Variants in ABI3BP observed in about 807,000 individuals in gnomAD.
ABI3BP encodes the protein target of Nesh-SH3.
ABI3BP carries 216 observed loss-of-function variants against 268.6 expected under a neutral mutation model. That is an observed-to-expected ratio of 0.80 (90% CI 0.72 to 0.90). The LOEUF is 0.90. Ranked by LOEUF, ABI3BP falls within the 40% of genes least tolerant of loss-of-function variation. ABI3BP has a pLI of 0.00. For synonymous variants in ABI3BP, 730 were observed against 730.0 expected (o/e 1.00, Z 0.00); for missense variants, 2,090 against 2,182.4 (o/e 0.96, Z 0.84).
rs565106892 is a variant in ABI3BP, at chr3:100,754,701, G to T, written c.4851-10C>A. On this transcript the variant is annotated splice_polypyrimidine_tract_variant and intron_variant, in intron 63 of 67. Transcript: ENST00000471714. ...CACCTGGAATTCATAACTGTTTAGGGGAAAATAAAAAAATACTTGTAATAC... is the reference window on the plus strand; with the variant it reads ...CACCTGGAATTCATAACTGTTTAGGTGAAAATAAAAAAATACTTGTAATAC... The T allele has an allele frequency of 3.8e-6, 6 of 1,568,060 alleles. No individual in the cohort carries two copies. The South Asian group carries it at 7.0e-5, about 18-fold the overall frequency.
intron 2 of ABI3BP, among the ~76,000 whole-genome samples, chr3:100,908,521 C>T (rs2054635451): frequency 6.7e-6 from 1 of 148,436 alleles, no homozygotes; most frequent in South Asian, 2.1e-4. Context: ...TAATCTCAGC[C>T]CAAAATCTCC....
At chr3:100,959,264 G>A (rs1047039035) in intron 1 of ABI3BP, among the ~76,000 whole-genome samples, 2 of 151,900 alleles carry the variant, frequency 1.3e-5, no homozygotes, top group Admixed American at 1.3e-4. Flanking sequence ...GCCGAGGCGG[G>A]CGGATCACGA....
At position 100,847,615 on chromosome 3, in the gene ABI3BP, T is replaced by C. The variant is rs1481337963; in HGVS notation, c.1635A>G (p.Thr545=). ...TATCATTATTACCCGGTGTTGTCCA[T>C]GTAGGTTCAGGGCTTTTAGAAATTT... ...TPKISKSPEP[T]WTTPAPGKTQ... The change falls in exon 19 of 68, where the codon ACA becomes ACG. Residue 545 remains threonine (T), a synonymous_variant. Transcript: ENST00000471714. The C allele has an allele frequency of 3.7e-6, 6 of 1,613,172 alleles. No individual in the cohort carries two copies. Among genetic ancestry groups the C allele is most frequent in the Admixed American group, 1.7e-5 (1 of 60,012 alleles).
At chr3:100,789,369 C>A in intron 56 of ABI3BP, 85 bp downstream of exon 56, 2 of 1,292,472 alleles carry the variant, frequency 1.5e-6, no homozygotes, top group Non-Finnish European at 2.2e-6. Context: ...TGTAAGGGTT[C>A]CCCTTTGGTG....
chr3:100,810,981 A>G (rs775889869), intron 48 of ABI3BP, among the ~76,000 whole-genome samples: 30 of 152,304 alleles, frequency 2.0e-4, no homozygotes, highest in South Asian at 6.2e-4. Context: ...TAGGAAGAAA[A>G]TATTTTAGAT....
intron 33 of ABI3BP, among the ~76,000 whole-genome samples, chr3:100,828,846 A>G (rs2098435914): frequency 6.6e-6 from 1 of 152,198 alleles, no homozygotes; most frequent in Admixed American, 6.6e-5. Flanking sequence ...CCAGCCCCTC[A>G]GTCTGTGGTA....
rs1188334199 is a variant in ABI3BP, at chr3:100,810,443, T to G, written c.3576A>C (p.Leu1192=). 6.5e-7 allele frequency: 1 copy of G among 1,534,854 alleles called. No individual in the cohort carries two copies. Among genetic ancestry groups the G allele is most frequent in the African/African-American group, 1.4e-5 (1 of 72,938 alleles). The change falls in exon 49 of 68, where the codon CTA becomes CTC. Residue 1192 remains leucine, a synonymous_variant. Coordinates refer to ENST00000471714, the MANE Select transcript of ABI3BP (RefSeq NM_001375547.2). ...CAGTCTGAGGCTCATCTGGGCTGGG[T>G]AGGGTTATAGATTGAGAAGGCAGAG... The part of the protein sequence containing the change: ...TSPLPSQSIT[L]PSPDEPQTEP...
intron 62 of ABI3BP, among the ~76,000 whole-genome samples, chr3:100,767,106 C>T (rs1351573228): frequency 6.6e-6 from 1 of 152,062 alleles, no homozygotes; most frequent in African/African-American, 2.4e-5. Context: ...CACCACCACA[C>T]CCAGCTAATT....
chr3:100,843,620 C>T (rs113207421), intron 20 of ABI3BP: 45,818 of 976,966 alleles, frequency 0.047, 1,200 homozygotes, highest in Non-Finnish European at 0.049. Flanking sequence ...GGAGAGTATG[C>T]ATGTGAGAGA....
rs562438360 is a variant in ABI3BP, at chr3:100,924,601, C to T, written c.259+1701G>A. Among the ~76,000 whole-genome samples, 10 of 152,122 alleles carry T rather than the reference C, an allele frequency of 6.6e-5. No individual in the cohort carries two copies. The South Asian group carries it at 1.7e-3, about 25-fold the overall frequency. ...ATGAAGGTTCATTTTAATACTCTTT[C>T]CTTGGTTGTCTGAAATTTCCTGTAA... On this transcript the variant is annotated intron_variant, in intron 2 of 67. Transcript: ENST00000471714.
At chr3:100,980,116 T>G (rs1366382103) in intron 1 of ABI3BP, among the ~76,000 whole-genome samples, 1 of 152,254 alleles carries the variant, frequency 6.6e-6, no homozygotes, top group Non-Finnish European at 1.5e-5. Flanking sequence ...ATTTTGCAAG[T>G]AGGTTATTAT....
intron 9 of ABI3BP, among the ~76,000 whole-genome samples, chr3:100,870,702 T>A (rs1164031355): frequency 6.6e-6 from 1 of 152,094 alleles, no homozygotes; most frequent in African/African-American, 2.4e-5. Context: ...TGGACATACG[T>A]CCAAAGGAAA....
intron 6 of ABI3BP, among the ~76,000 whole-genome samples, chr3:100,885,225 T>G (rs2041400226): frequency 1.3e-5 from 2 of 152,058 alleles, no homozygotes; most frequent in South Asian, 4.1e-4. Context: ...AATTTGCTCT[T>G]GAAACATTAT....
Position 100,822,800 on chromosome 3 carries a change from A to T in ABI3BP, c.2804-128T>A, listed in dbSNP as rs921318723. 1.0e-5 allele frequency: 7 copies of T among 693,648 alleles called. No individual in the cohort carries two copies. The East Asian group carries it at 1.6e-4, about 16-fold the overall frequency. The allele number at this position is 693,648 out of a possible 1,614,324, so 43.0% of individuals were successfully genotyped here. The stretch of plus-strand genomic sequence containing the variant: ...CCTTTTAGTTCGAGATTTTTGTCAC[A>T]TGCATTCCTCCTTATAGATCTTTTA... On this transcript the variant is annotated intron_variant, in intron 37 of 67. Coordinates refer to ENST00000471714, the MANE Select transcript of ABI3BP (RefSeq NM_001375547.2).
intron 1 of ABI3BP, among the ~76,000 whole-genome samples, chr3:100,974,396 A>G (rs1454355016): frequency 1.3e-5 from 2 of 152,230 alleles, no homozygotes; most frequent in Non-Finnish European, 2.9e-5. Flanking sequence ...CTGCATGGCC[A>G]TATAATGAAA....
Position 100,796,433 on chromosome 3 carries a change from G to C in ABI3BP, c.3793C>G (p.Pro1265Ala). The C allele has an allele frequency of 6.2e-7, 1 of 1,600,218 alleles. No homozygotes were observed. Among genetic ancestry groups the C allele is most frequent in the Non-Finnish European group, 8.5e-7 (1 of 1,172,970 alleles). ...CCAGGTTCGCTCTGAGAGACCTCAG[G>C]GTATGGTTTATGAGGAAGGAGCACA... ...KDVLLPHKPY[P>A]EVSQSEPVLQ... is the part of the protein sequence containing the mutation. The change falls in exon 52 of 68, where the codon CCT (proline) becomes GCT (alanine). Residue 1265 changes from proline to alanine, a missense_variant. Transcript: ENST00000471714.
chr3:100,871,598 T>A (rs1203827019), intron 9 of ABI3BP, among the ~76,000 whole-genome samples: 2 of 152,202 alleles, frequency 1.3e-5, no homozygotes, highest in Non-Finnish European at 2.9e-5. Flanking sequence ...AATGGGACTT[T>A]GCCTGCACAA....
At chr3:100,805,967 G>A (rs752472490) in intron 50 of ABI3BP, among the ~76,000 whole-genome samples, 3 of 151,764 alleles carry the variant, frequency 2.0e-5, no homozygotes, top group South Asian at 2.1e-4. Flanking sequence ...TGAAATCTAG[G>A]AGCACCCATA....
chr3:100,916,262 A>C (rs1018343306), intron 2 of ABI3BP, among the ~76,000 whole-genome samples: 1 of 152,270 alleles, frequency 6.6e-6, no homozygotes, highest in African/African-American at 2.4e-5. Context: ...TCAAATTATA[A>C]AGCCAGGTCA....
Sources: allele counts gnomAD v4.1 joint callset (sites outside exome capture counted in the v4.1 genomes callset), GRCh38; gene constraint gnomAD v4.1.1; transcripts MANE v1.5; gene names NCBI Gene and HGNC (gene_info 2026-07-23, HGNC 2026-07-21).